DRD2: variants seen among roughly 807,000 people sequenced by gnomAD.
DRD2 encodes dopamine receptor D2.
A neutral mutation model predicts 38.0 loss-of-function variants in DRD2; 8 were observed. That is an observed-to-expected ratio of 0.21 (90% CI 0.12 to 0.38). The LOEUF (loss-of-function observed/expected upper bound fraction) is 0.38, where lower values mean the gene tolerates loss of function less well. Ranked by LOEUF, DRD2 falls within the 10% of genes least tolerant of loss-of-function variation. The probability of loss-of-function intolerance (pLI) is 1.00; values close to 1 mark genes in which losing one functional copy is unlikely to be tolerated. For synonymous variants in DRD2, 230 were observed against 238.6 expected, an observed-to-expected ratio of 0.96 and a Z score of 0.33; for missense variants, 403 against 607.7, an observed-to-expected ratio of 0.66 and a Z score of 3.54.
chr11:113,436,756 T>A (rs1200071166), intron 1 of DRD2, among the ~76,000 whole-genome samples: 1 of 152,216 alleles, frequency 6.6e-6, no homozygotes, highest in Non-Finnish European at 1.5e-5. Flanking sequence ...CAAAATGTTT[T>A]AAAATATCTA....
intron 1 of DRD2, among the ~76,000 whole-genome samples, chr11:113,470,195 T>C (rs975205570): frequency 6.6e-6 from 1 of 152,210 alleles, no homozygotes; most frequent in African/African-American, 2.4e-5. Flanking sequence ...ATTTCATTTC[T>C]AATGTCTTTC....
chr11:113,433,472 T>C (rs1237068538), intron 1 of DRD2, among the ~76,000 whole-genome samples: 3 of 152,040 alleles, frequency 2.0e-5, no homozygotes, highest in African/African-American at 4.8e-5. Flanking sequence ...GGACTACCAT[T>C]TGGGGGTGGC....
chr11:113,469,881 CA>C (rs1951406060), intron 1 of DRD2, among the ~76,000 whole-genome samples: 1 of 152,148 alleles, frequency 6.6e-6, no homozygotes, highest in African/African-American at 2.4e-5. Context: ...AATAAACAAA[CA>C]AAAAATGTAA....
intron 1 of DRD2, among the ~76,000 whole-genome samples, chr11:113,459,492 A>G (rs550938157): frequency 6.6e-6 from 1 of 152,348 alleles, no homozygotes; most frequent in South Asian, 2.1e-4. Flanking sequence ...GACAGAACTG[A>G]GACTAGAACC....
intron 1 of DRD2, among the ~76,000 whole-genome samples, chr11:113,459,964 G>T (rs1325447902): frequency 1.3e-5 from 2 of 152,214 alleles, no homozygotes; most frequent in African/African-American, 4.8e-5. Flanking sequence ...AATCTTCAAA[G>T]AAACTGGGCA....
intron 2 of DRD2, 98 bp downstream of exon 2, chr11:113,424,269 A>C: frequency 7.3e-7 from 1 of 1,365,704 alleles, no homozygotes; most frequent in South Asian, 1.3e-5. Flanking sequence ...AAGCACCAGG[A>C]AACTCATTGG....
Position 113,418,228 on chromosome 11 carries a change from A to G in DRD2, c.286-92T>C, listed in dbSNP as rs192602141. ...GTACTCCTGGAGCCGATGAGGCCAC[A>G]GACTCAGGAGGCAGCTGCAAGTCTT... is the stretch of plus-strand genomic sequence containing the variant. On this transcript the variant is annotated intron_variant, in intron 2 of 7. Coordinates refer to ENST00000362072, the MANE Select transcript of DRD2 (RefSeq NM_000795.4). The G allele has an allele frequency of 2.7e-3, 2,820 of 1,031,766 alleles. 51 individuals carry two copies. The highest frequency in any genetic ancestry group is 0.025 in the South Asian group (1,900 of 75,268). The allele number at this position is 1,031,766 out of a possible 1,614,324, so 63.9% of individuals were successfully genotyped here.
At chr11:113,461,637 C>T (rs1329724511) in intron 1 of DRD2, among the ~76,000 whole-genome samples, 1 of 152,116 alleles carries the variant, frequency 6.6e-6, no homozygotes, top group African/African-American at 2.4e-5. Flanking sequence ...GACTCTGCCC[C>T]CAAAAGATCC....
intron 7 of DRD2, chr11:113,412,255 AGGTT>A: frequency 2.2e-6 from 1 of 462,210 alleles, no homozygotes; most frequent in Non-Finnish European, 4.0e-6. Context: ...TAGGCCCATG[AGGTT>A]CTGGTGCCAG....
At chr11:113,440,584 C>G (rs1951080657) in intron 1 of DRD2, among the ~76,000 whole-genome samples, 1 of 152,182 alleles carries the variant, frequency 6.6e-6, no homozygotes. Flanking sequence ...TAATGCAAAT[C>G]CCAAGTGCTT....
chr11:113,463,994 G>T (rs1290476541), intron 1 of DRD2, among the ~76,000 whole-genome samples: 1 of 152,122 alleles, frequency 6.6e-6, no homozygotes, highest in Admixed American at 6.5e-5. Flanking sequence ...ATGTTAGAAG[G>T]TTACAGGTGG....
intron 1 of DRD2, chr11:113,425,043 T>TATTC (rs1206602655): frequency 1.2e-4 from 37 of 297,514 alleles, no homozygotes. Context: ...CAGAAATGGG[T>TATTC]ATTCATTCAT....
rs1031753883 is a variant in DRD2 at position 113,459,532 on chromosome 11, A to G, written c.-32+15544T>C. On this transcript the variant is annotated intron_variant, in intron 1 of 7. Coordinates refer to ENST00000362072, the MANE Select transcript of DRD2 (RefSeq NM_000795.4). The stretch of plus-strand genomic sequence containing the variant: ...ACTCCTAATTCTAGAGACCTCCATA[A>G]AGACCCATCTGAGTCCATTTTCCTT... 3.9e-5 allele frequency among the ~76,000 whole-genome samples: 6 copies of G among 152,190 alleles called. No individual in the cohort carries two copies. In the East Asian group the frequency reaches 1.2e-3, roughly 29 times the overall value.
At chr11:113,426,202 G>A (rs1184715294) in intron 1 of DRD2, among the ~76,000 whole-genome samples, 1 of 151,996 alleles carries the variant, frequency 6.6e-6, no homozygotes, top group Non-Finnish European at 1.5e-5. Flanking sequence ...AGTGGGTATG[G>A]GACAAGCAGG....
intron 1 of DRD2, among the ~76,000 whole-genome samples, chr11:113,447,989 T>A (rs1045502857): frequency 6.6e-6 from 1 of 152,008 alleles, no homozygotes; most frequent in African/African-American, 2.4e-5. Flanking sequence ...TCTATTGTGG[T>A]TAAAGCAGGT....
At chr11:113,469,338 T>C (rs1951399640) in intron 1 of DRD2, among the ~76,000 whole-genome samples, 1 of 152,226 alleles carries the variant, frequency 6.6e-6, no homozygotes, top group African/African-American at 2.4e-5. Context: ...CTTCTCCATC[T>C]GCTGTCTCCC....
intron 1 of DRD2, among the ~76,000 whole-genome samples, chr11:113,425,702 T>C (rs1004658492): frequency 1.3e-5 from 2 of 151,888 alleles, no homozygotes; most frequent in Non-Finnish European, 2.9e-5. Flanking sequence ...GTGAAAGCCC[T>C]GCAGAATGGG....
At position 113,415,494 on chromosome 11, in the gene DRD2, C is replaced by T. The variant is rs1950816857; in HGVS notation, c.650G>A (p.Arg217His). The change falls in exon 5 of 8, where the codon CGC (arginine) becomes CAC (histidine). Residue 217 changes from arginine to histidine, a missense_variant. Physicochemically the swap from Arg to His is conservative, Grantham distance 29. Transcript: ENST00000362072. ...GGTGTTGACTCGCTTGCGGCGTCTGCGGAGGACAATGTAGATCTTGATGTA... is the reference window on the plus strand; with the variant it reads ...GGTGTTGACTCGCTTGCGGCGTCTGTGGAGGACAATGTAGATCTTGATGTA... ...LVYIKIYIVL[R>H]RRRKRVNTKR... 1.2e-5 allele frequency: 20 copies of T among 1,613,898 alleles called. No homozygotes were observed. Among genetic ancestry groups the T allele is most frequent in the African/African-American group, 2.7e-5 (2 of 74,846 alleles).
At chr11:113,423,389 C>T (rs1950904661) in intron 2 of DRD2, among the ~76,000 whole-genome samples, 1 of 152,150 alleles carries the variant, frequency 6.6e-6, no homozygotes, top group African/African-American at 2.4e-5. Context: ...AATTCTCCTG[C>T]CTCAGCCTCC....
Sources: gnomAD v4.1 joint callset for allele counts (sites outside exome capture counted in the v4.1 genomes callset) on GRCh38, gnomAD v4.1.1 for gene constraint, MANE v1.5 for transcripts, NCBI Gene and HGNC (gene_info 2026-07-23, HGNC 2026-07-21) for gene names.